MARCHF3: variants seen among roughly 807,000 people sequenced by gnomAD.
The protein encoded by MARCHF3 is membrane associated ring-CH-type finger 3.
MARCHF3 carries 13 observed loss-of-function variants against 24.2 expected under a neutral mutation model. The ratio of observed to expected loss-of-function variants is 0.54; its 90% CI spans 0.35 to 0.85. The LOEUF (loss-of-function observed/expected upper bound fraction) is 0.85. MARCHF3 is among the 40% of genes least tolerant of loss of function. MARCHF3 has a pLI of 0.01. For synonymous variants in MARCHF3, 144 were observed against 137.3 expected (o/e 1.05, Z -0.34); for missense variants, 276 against 325.0 (o/e 0.85, Z 1.16).
At chr5:127,017,180 T>C (rs1752662402) in intron 1 of MARCHF3, among the ~76,000 whole-genome samples, 1 of 152,132 alleles carries the variant, frequency 6.6e-6, no homozygotes, top group South Asian at 2.1e-4. Flanking sequence ...AGTTGATGGG[T>C]GCAGCAAACC....
intron 1 of MARCHF3, among the ~76,000 whole-genome samples, chr5:126,929,550 G>C (rs1196407025): frequency 6.6e-6 from 1 of 152,176 alleles, no homozygotes; most frequent in Non-Finnish European, 1.5e-5. Context: ...CAAAGAATCA[G>C]TGCAATCTGG....
At chr5:126,968,849 C>G (rs1357678584) in intron 1 of MARCHF3, among the ~76,000 whole-genome samples, 1 of 152,158 alleles carries the variant, frequency 6.6e-6, no homozygotes, top group African/African-American at 2.4e-5. Flanking sequence ...GCTACCGTGC[C>G]TAGCCTATTT....
chr5:126,930,082 T>A (rs1053503996), intron 1 of MARCHF3, among the ~76,000 whole-genome samples: 1 of 152,126 alleles, frequency 6.6e-6, no homozygotes, highest in Non-Finnish European at 1.5e-5. Flanking sequence ...AAGATCCACC[T>A]GTCTTTATTG....
chr5:126,872,074 C>CTT (rs70997318), intron 4 of MARCHF3, among the ~76,000 whole-genome samples: 6,503 of 94,266 alleles, frequency 0.069, 446 homozygotes, highest in South Asian at 0.12. Flanking sequence ...AGATCCTTGT[C>CTT]TTTTTTTTTT....
chr5:126,874,193 A>T (rs1447751097), intron 4 of MARCHF3, among the ~76,000 whole-genome samples: 2 of 152,180 alleles, frequency 1.3e-5, no homozygotes, highest in Admixed American at 1.3e-4. Context: ...CTGTACAAAG[A>T]GTTGTGATCG....
intron 1 of MARCHF3, among the ~76,000 whole-genome samples, chr5:126,976,351 T>A (rs1434408487): frequency 6.6e-6 from 1 of 152,152 alleles, no homozygotes; most frequent in Non-Finnish European, 1.5e-5. Context: ...AACCTAGGAA[T>A]CATTCTGTCT....
At chr5:126,898,424 T>C (rs1424958403) in intron 3 of MARCHF3, among the ~76,000 whole-genome samples, 2 of 152,094 alleles carry the variant, frequency 1.3e-5, no homozygotes, top group Non-Finnish European at 2.9e-5. Context: ...ACAGCTGACA[T>C]AGGTATATTT....
intron 1 of MARCHF3, among the ~76,000 whole-genome samples, chr5:126,985,589 C>T (rs572165808): frequency 1.8e-4 from 28 of 152,038 alleles, no homozygotes; most frequent in South Asian, 6.2e-4. Flanking sequence ...CCTGCCTCAC[C>T]TCCCGAATAG....
intron 3 of MARCHF3, among the ~76,000 whole-genome samples, 168 bp from the exon 4 acceptor site, chr5:126,878,562 AC>A (rs1753247120): frequency 6.6e-6 from 1 of 152,086 alleles, no homozygotes; most frequent in Non-Finnish European, 1.5e-5. Flanking sequence ...CCCATGCTCC[AC>A]CCCCTGAATA....
intron 1 of MARCHF3, among the ~76,000 whole-genome samples, chr5:126,988,528 T>C (rs147003542): frequency 6.6e-6 from 1 of 152,344 alleles, no homozygotes; most frequent in Admixed American, 6.5e-5. Context: ...AGAGAACTCA[T>C]GCTCTGTTTT....
chr5:126,933,645 C>T (rs534896139), intron 1 of MARCHF3, among the ~76,000 whole-genome samples: 18 of 152,166 alleles, frequency 1.2e-4, no homozygotes, highest in Admixed American at 5.9e-4. Context: ...GGGGTTTCAC[C>T]GTGTTAGCCA....
rs1754379674 is a variant in MARCHF3, at chr5:126,908,347, C to T, written c.393+6583G>A. Among the ~76,000 whole-genome samples the T allele has an allele frequency of 3.3e-5, 5 of 152,028 alleles. No individual in the cohort carries two copies. The South Asian group carries it at 1.0e-3, about 32-fold the overall frequency. ...TATCTTTGTGGTGTTCTCTGTATTTCCTGAATCTGAATGTTGGCCTGCCTT... is the reference window on the plus strand; with the variant it reads ...TATCTTTGTGGTGTTCTCTGTATTTTCTGAATCTGAATGTTGGCCTGCCTT... On this transcript the variant is annotated intron_variant, in intron 3 of 4. Transcript: ENST00000308660.
chr5:126,907,435 A>G, intron 3 of MARCHF3, among the ~76,000 whole-genome samples: 1 of 144,710 alleles, frequency 6.9e-6, no homozygotes, highest in East Asian at 2.0e-4. Context: ...GTCTCCCATT[A>G]TTAATGTGTG....
At chr5:126,906,611 G>A (rs1269491942) in intron 3 of MARCHF3, among the ~76,000 whole-genome samples, 1 of 152,190 alleles carries the variant, frequency 6.6e-6, no homozygotes, top group Non-Finnish European at 1.5e-5. Flanking sequence ...GCGTAGAGGT[G>A]TTTGTAGTAT....
At chr5:126,930,912 C>G (rs1749461573) in intron 1 of MARCHF3, among the ~76,000 whole-genome samples, 1 of 152,126 alleles carries the variant, frequency 6.6e-6, no homozygotes, top group Non-Finnish European at 1.5e-5. Flanking sequence ...ATGCATCTGT[C>G]AGTTAGATAT....
At chr5:126,909,671 C>G (rs910687389) in intron 3 of MARCHF3, among the ~76,000 whole-genome samples, 2 of 152,206 alleles carry the variant, frequency 1.3e-5, no homozygotes. Context: ...TGCTTTGGCT[C>G]GCACACGGTG....
intron 1 of MARCHF3, among the ~76,000 whole-genome samples, chr5:126,925,915 T>C (rs1307651426): frequency 6.6e-6 from 1 of 152,192 alleles, no homozygotes; most frequent in Non-Finnish European, 1.5e-5. Flanking sequence ...AGGAAAGGCC[T>C]GAAGGGTACA....
intron 1 of MARCHF3, among the ~76,000 whole-genome samples, chr5:126,977,427 C>T (rs1296059880): frequency 6.6e-6 from 1 of 152,174 alleles, no homozygotes; most frequent in African/African-American, 2.4e-5. Flanking sequence ...ACCCCCAACC[C>T]ATCTACCTCT....
chr5:126,977,337 T>C (rs1481378220), intron 1 of MARCHF3, among the ~76,000 whole-genome samples: 3 of 152,226 alleles, frequency 2.0e-5, no homozygotes, highest in Non-Finnish European at 1.5e-5. Flanking sequence ...ACCTAGGGCA[T>C]AGAATAAACC....
Sources: allele counts gnomAD v4.1 joint callset (sites outside exome capture counted in the v4.1 genomes callset), GRCh38; gene constraint gnomAD v4.1.1; transcripts MANE v1.5; gene names NCBI Gene and HGNC (gene_info 2026-07-23, HGNC 2026-07-21).